NEGR1: variants seen among roughly 807,000 people sequenced by gnomAD.
NEGR1 encodes neuronal growth regulator 1.
NEGR1 carries 10 observed loss-of-function variants against 40.9 expected under a neutral mutation model. That is an observed-to-expected ratio of 0.24 (90% CI 0.15 to 0.42). The LOEUF (loss-of-function observed/expected upper bound fraction) is 0.42, where lower values mean the gene tolerates loss of function less well. Ranked by LOEUF, NEGR1 falls within the 10% of genes least tolerant of loss-of-function variation. The pLI is 1.00. For synonymous variants in NEGR1, 185 were observed against 166.8 expected (o/e 1.11, Z -0.84); for missense variants, 352 against 438.9 (o/e 0.80, Z 1.77).
At chr1:72,021,948 A>T (rs1646761505) in intron 1 of NEGR1, among the ~76,000 whole-genome samples, 1 of 152,000 alleles carries the variant, frequency 6.6e-6, no homozygotes, top group Admixed American at 6.6e-5. Context: ...ATCCTGGCTA[A>T]CATGGTGAAA....
intron 1 of NEGR1, among the ~76,000 whole-genome samples, chr1:71,996,017 C>T (rs1034975850): frequency 2.6e-5 from 4 of 151,820 alleles, no homozygotes; most frequent in African/African-American, 2.4e-5. Context: ...TCTGAAATTA[C>T]AAAAAGAGGA....
At chr1:72,026,912 TTTTTG>T (rs1211725525) in intron 1 of NEGR1, among the ~76,000 whole-genome samples, 1 of 152,100 alleles carries the variant, frequency 6.6e-6, no homozygotes, top group African/African-American at 2.4e-5. Context: ...ACTCATGTTT[TTTTTG>T]TTTTGTTTTG....
intron 6 of NEGR1, among the ~76,000 whole-genome samples, chr1:71,573,217 G>C (rs1648860559): frequency 6.6e-6 from 1 of 152,186 alleles, no homozygotes; most frequent in African/African-American, 2.4e-5. Flanking sequence ...GGAAGTCACA[G>C]AGGAAAATTG....
intron 2 of NEGR1, among the ~76,000 whole-genome samples, chr1:71,873,236 T>C (rs1660331574): frequency 6.6e-6 from 1 of 151,594 alleles, no homozygotes; most frequent in Non-Finnish European, 1.5e-5. Context: ...ATTTGAGTTT[T>C]GGGTTTGGAA....
In NEGR1 at chr1:72,182,270, G is replaced by A. The variant is rs144505240; in HGVS notation, c.176+100049C>T. 6.9e-3 allele frequency among the ~76,000 whole-genome samples: 1,053 copies of A among 152,202 alleles called. 9 individuals are homozygous for A. Among genetic ancestry groups the A allele is most frequent in the African/African-American group, 0.024 (987 of 41,538 alleles). The stretch of plus-strand genomic sequence containing the variant: ...GCACTTTGGGAGACCGAGGCAGGCG[G>A]GTCACTTGAGGCCAGGAGCTCAAAA... On this transcript the variant is annotated intron_variant, in intron 1 of 6. Transcript: ENST00000357731.
chr1:71,930,672 G>C (rs1428160326), intron 2 of NEGR1, among the ~76,000 whole-genome samples: 1 of 152,158 alleles, frequency 6.6e-6, no homozygotes, highest in Non-Finnish European at 1.5e-5. Context: ...ATATGGATCT[G>C]ATGTTGTCAT....
At chr1:71,886,030 C>G (rs961603146) in intron 2 of NEGR1, among the ~76,000 whole-genome samples, 6 of 152,228 alleles carry the variant, frequency 3.9e-5, no homozygotes, top group Non-Finnish European at 8.8e-5. Context: ...CAAAAGACGA[C>G]AGCTTTTTCA....
chr1:72,268,134 C>T (rs1655714049), intron 1 of NEGR1, among the ~76,000 whole-genome samples: 1 of 151,168 alleles, frequency 6.6e-6, no homozygotes, highest in African/African-American at 2.4e-5. Flanking sequence ...CAGAATACAC[C>T]AAATACAATA....
intron 1 of NEGR1, among the ~76,000 whole-genome samples, chr1:72,069,802 G>T (rs1169702728): frequency 2.0e-5 from 3 of 152,088 alleles, no homozygotes; most frequent in Non-Finnish European, 4.4e-5. Flanking sequence ...ATACATAAAA[G>T]AATACCTGTG....
At chr1:71,419,611 T>C (rs540682240) in intron 6 of NEGR1, among the ~76,000 whole-genome samples, 1 of 152,304 alleles carries the variant, frequency 6.6e-6, no homozygotes, top group South Asian at 2.1e-4. Flanking sequence ...ACTATCATCA[T>C]TTTGGTTTCT....
intron 1 of NEGR1, among the ~76,000 whole-genome samples, chr1:72,002,948 G>T (rs960011311): frequency 6.6e-6 from 1 of 152,062 alleles, no homozygotes; most frequent in Non-Finnish European, 1.5e-5. Flanking sequence ...AAACACATTT[G>T]GGGAGGTTAT....
intron 3 of NEGR1, among the ~76,000 whole-genome samples, chr1:71,750,226 T>C (rs889853393): frequency 2.6e-5 from 4 of 151,676 alleles, no homozygotes; most frequent in South Asian, 2.1e-4. Context: ...ATCTCCTGAC[T>C]TCATGATCCA....
rs147026498 is a variant in NEGR1 at position 72,028,940 on chromosome 1, C to A, written c.177-93629G>T. Among the ~76,000 whole-genome samples the A allele has an allele frequency of 5.3e-3, 807 of 152,142 alleles. 6 individuals carry two copies. The highest frequency in any genetic ancestry group is 0.019 in the African/African-American group (769 of 41,526). ...TATACTGTTTAGTGAATGAACGACA[C>A]AAAATACGCAAAAGAATTGAGCACT... On this transcript the variant is annotated intron_variant, in intron 1 of 6. Transcript: ENST00000357731.
At chr1:72,263,634 T>C (rs1023349586) in intron 1 of NEGR1, among the ~76,000 whole-genome samples, 9 of 151,546 alleles carry the variant, frequency 5.9e-5, no homozygotes, top group Non-Finnish European at 1.2e-4. Flanking sequence ...ATGTAGTCAG[T>C]CCAAACAAAA....
intron 2 of NEGR1, among the ~76,000 whole-genome samples, chr1:71,845,937 T>A (rs1003982526): frequency 6.7e-6 from 1 of 150,274 alleles, no homozygotes; most frequent in African/African-American, 2.5e-5. Context: ...TTTTTTTTTT[T>A]TTTTTTTAAG....
chr1:72,278,563 G>C (rs1656137614), intron 1 of NEGR1, among the ~76,000 whole-genome samples: 1 of 151,902 alleles, frequency 6.6e-6, no homozygotes, highest in East Asian at 1.9e-4. Context: ...ATTTTTTTAA[G>C]TCTCCTGAAA....
At chr1:71,538,500 G>T (rs1337912488) in intron 6 of NEGR1, among the ~76,000 whole-genome samples, 1 of 151,680 alleles carries the variant, frequency 6.6e-6, no homozygotes, top group Non-Finnish European at 1.5e-5. Context: ...CTGACTCCCA[G>T]TCATTGTGGA....
intron 3 of NEGR1, among the ~76,000 whole-genome samples, chr1:71,727,497 C>T (rs1393390430): frequency 1.3e-5 from 2 of 152,056 alleles, no homozygotes; most frequent in Non-Finnish European, 1.5e-5. Context: ...GAGAAAAAAT[C>T]AAGAGAAGTA....
intron 4 of NEGR1, among the ~76,000 whole-genome samples, chr1:71,662,379 A>C (rs940155612): frequency 6.6e-6 from 1 of 152,202 alleles, no homozygotes; most frequent in Non-Finnish European, 1.5e-5. Context: ...GTGGTTATGC[A>C]TGGAGAACGG....
Sources: gnomAD v4.1 joint callset for allele counts (sites outside exome capture counted in the v4.1 genomes callset) on GRCh38, gnomAD v4.1.1 for gene constraint, MANE v1.5 for transcripts, NCBI Gene and HGNC (gene_info 2026-07-23, HGNC 2026-07-21) for gene names.